The following TCF12 variants were observed in gnomAD, a reference collection of about 807,000 sequenced individuals.
TCF12 encodes the protein transcription factor 12.
In TCF12, 45 loss-of-function variants were observed where a neutral mutation model predicts 86.0. The observed-to-expected ratio is 0.52, with a 90% CI of 0.41 to 0.67. The LOEUF is 0.67. Among genes scored for constraint, TCF12 ranks in the 30% least tolerant of loss-of-function variants. The pLI, the probability that TCF12 is intolerant of heterozygous loss-of-function variation, is 0.00. For synonymous variants in TCF12, 330 were observed against 299.6 expected (o/e 1.10, Z -1.05); for missense variants, 881 against 859.9 (o/e 1.02, Z -0.31).
intron 5 of TCF12, among the ~76,000 whole-genome samples, chr15:57,099,751 A>G (rs563399275): frequency 1.3e-5 from 2 of 152,258 alleles, no homozygotes; most frequent in East Asian, 1.9e-4. Flanking sequence ...TTTGCATGGT[A>G]TTCAACTTAT....
In TCF12 at chr15:57,253,378, A is replaced by G; in HGVS notation, c.1377A>G (p.Leu459=). The change falls in exon 16 of 21, where the codon TTA becomes TTG. Residue 459 remains leucine (L), a synonymous_variant. Transcript: ENST00000333725. ...LPAGHSDIHS[L]LGPSHNAPIG... ...CTGGTCACAGTGATATACATAGTTT[A>G]TTGGGACCATCCCATAATGCACCAA... 2 of 1,614,098 alleles carry G rather than the reference A, an allele frequency of 1.2e-6. No homozygotes were observed. Among genetic ancestry groups the G allele is most frequent in the Non-Finnish European group, 1.7e-6 (2 of 1,179,988 alleles).
At chr15:57,071,425 G>A (rs1472803722) in intron 4 of TCF12, among the ~76,000 whole-genome samples, 1 of 151,880 alleles carries the variant, frequency 6.6e-6, no homozygotes, top group Non-Finnish European at 1.5e-5. Context: ...CAAGTGGATC[G>A]CTTGAGTCCA....
chr15:57,169,227 G>A lies in TCF12; in HGVS notation c.390+2761G>A, dbSNP rs369588030. Among the ~76,000 whole-genome samples the A allele has an allele frequency of 1.2e-3, 189 of 152,106 alleles. 1 individual carries two copies. The highest frequency in any genetic ancestry group is 4.1e-3 in the African/African-American group (171 of 41,478). On this transcript the variant is annotated intron_variant, in intron 6 of 20. Coordinates refer to ENST00000333725, the MANE Select transcript of TCF12 (RefSeq NM_207037.2). ...GCTTCAGGGCCTTAAAAGTCTTTTC[G>A]TCTTCATCTTAAATCTAAGATAGCA...
At chr15:57,206,582 C>CTTTTTTTTTTTTTT (rs67531540) in intron 8 of TCF12, among the ~76,000 whole-genome samples, 3 of 83,808 alleles carry the variant, frequency 3.6e-5, no homozygotes, top group African/African-American at 8.3e-5. Context: ...CTTGTATTCT[C>CTTTTTTTTTTTTTT]TTTTTTTTTT....
intron 7 of TCF12, among the ~76,000 whole-genome samples, chr15:57,194,971 C>T (rs553200092): frequency 2.6e-5 from 4 of 152,230 alleles, no homozygotes; most frequent in South Asian, 2.1e-4. Flanking sequence ...GGCATGATCT[C>T]GGCTCACTGC....
chr15:57,223,643 G>GTTTGTTTTTTTTTTTTT (rs2058708203), intron 8 of TCF12, among the ~76,000 whole-genome samples: 1 of 69,664 alleles, frequency 1.4e-5, no homozygotes, highest in Admixed American at 1.9e-4. Context: ...TACCAATGAG[G>GTTTGTTTTTTTTTTTTT]TTTTTTTTTT....
At chr15:57,197,875 T>G in intron 8 of TCF12, 50 bp downstream of exon 8, 1 of 1,576,194 alleles carries the variant, frequency 6.3e-7, no homozygotes, top group Admixed American at 1.7e-5. Flanking sequence ...TGATTTCAAG[T>G]GTTCCGTATT....
In TCF12 at chr15:56,967,355, G is replaced by A. The variant is rs141652066; in HGVS notation, c.148+46257G>A. ...ATTTTGATTATTGAGAATAGAGACT[G>A]GATTCGCCAATTGAGAAATACTTGT... is the stretch of plus-strand genomic sequence containing the variant. On this transcript the variant is annotated intron_variant, in intron 3 of 20. Coordinates refer to ENST00000333725, the MANE Select transcript of TCF12 (RefSeq NM_207037.2). Among the ~76,000 whole-genome samples, 193 of 152,160 alleles carry A rather than the reference G, an allele frequency of 1.3e-3. 1 individual carries two copies. The highest frequency in any genetic ancestry group is 4.4e-3 in the African/African-American group (181 of 41,528).
intron 5 of TCF12, among the ~76,000 whole-genome samples, chr15:57,106,697 A>G (rs1567435723): frequency 6.6e-6 from 1 of 152,254 alleles, no homozygotes; most frequent in East Asian, 1.9e-4. Flanking sequence ...TGTTCAAAAT[A>G]TATAAAGAAC....
chr15:56,939,421 A>G (rs1356478441), intron 3 of TCF12, among the ~76,000 whole-genome samples: 10 of 152,180 alleles, frequency 6.6e-5, no homozygotes, highest in Non-Finnish European at 1.5e-4. Flanking sequence ...ATTAAAAAAA[A>G]AGTCTGATGC....
At chr15:57,194,986 T>G (rs2057178695) in intron 7 of TCF12, among the ~76,000 whole-genome samples, 3 of 152,190 alleles carry the variant, frequency 2.0e-5, no homozygotes, top group Non-Finnish European at 1.5e-5. Flanking sequence ...CACTGCAACC[T>G]CTGCCTCCCG....
intron 5 of TCF12, 155 bp downstream of exon 5, chr15:57,092,046 G>A (rs1293243091): frequency 3.9e-6 from 2 of 507,940 alleles, no homozygotes; most frequent in Non-Finnish European, 6.9e-6. Flanking sequence ...CACAGCTTGA[G>A]GATCAAATGT....
intron 4 of TCF12, among the ~76,000 whole-genome samples, chr15:57,084,806 T>C (rs1596458569): frequency 6.6e-6 from 1 of 152,104 alleles, no homozygotes; most frequent in East Asian, 1.9e-4. Context: ...ATATTAAATG[T>C]ATATTAAATG....
chr15:57,092,235 G>C (rs567181188), intron 5 of TCF12, among the ~76,000 whole-genome samples: 1 of 152,244 alleles, frequency 6.6e-6, no homozygotes, highest in African/African-American at 2.4e-5. Context: ...CTTAACAGTT[G>C]TATTATGTTG....
At chr15:57,030,343 A>G (rs1490184098) in intron 3 of TCF12, among the ~76,000 whole-genome samples, 2 of 152,064 alleles carry the variant, frequency 1.3e-5, no homozygotes, top group Non-Finnish European at 2.9e-5. Context: ...AGCTCAACTG[A>G]TTCTCCCACC....
chr15:57,177,636 G>GAGAGAGAGAGAGAGAGAGAGAGAGAT (rs1384895191), intron 6 of TCF12, among the ~76,000 whole-genome samples: 1 of 151,778 alleles, frequency 6.6e-6, no homozygotes, highest in Non-Finnish European at 1.5e-5. Context: ...GAGAGAGAGA[G>GAGAGAGAGAGAGAGAGAGAGAGAGAT]AGTTGGATTA....
At chr15:56,982,384 T>G (rs1262783116) in intron 3 of TCF12, among the ~76,000 whole-genome samples, 1 of 152,178 alleles carries the variant, frequency 6.6e-6, no homozygotes, top group Non-Finnish European at 1.5e-5. Flanking sequence ...TTTAAAAATA[T>G]AGGTAAATTC....
intron 8 of TCF12, among the ~76,000 whole-genome samples, chr15:57,204,256 T>G (rs2057701461): frequency 6.6e-6 from 1 of 152,018 alleles, no homozygotes; most frequent in African/African-American, 2.4e-5. Flanking sequence ...GGCCACATAG[T>G]GAGACCTTGT....
At chr15:56,987,440 A>AAATGTT (rs1595980647) in intron 3 of TCF12, among the ~76,000 whole-genome samples, 1 of 152,108 alleles carries the variant, frequency 6.6e-6, no homozygotes, top group East Asian at 1.9e-4. Context: ...AAATGTTACT[A>AAATGTT]ACAGAATCTG....
Sources: allele counts gnomAD v4.1 joint callset (sites outside exome capture counted in the v4.1 genomes callset), GRCh38; gene constraint gnomAD v4.1.1; transcripts MANE v1.5; gene names NCBI Gene and HGNC (gene_info 2026-07-23, HGNC 2026-07-21).